DGKB: variants seen among roughly 807,000 people sequenced by gnomAD.
DGKB encodes diacylglycerol kinase beta.
DGKB carries 67 observed loss-of-function variants against 114.3 expected under a neutral mutation model. That is an observed-to-expected ratio of 0.59 (90% CI 0.48 to 0.72). The LOEUF (loss-of-function observed/expected upper bound fraction) is 0.72, where lower values mean the gene tolerates loss of function less well. Among genes scored for constraint, DGKB ranks in the 30% least tolerant of loss-of-function variants. DGKB has a pLI of 0.00. For synonymous variants in DGKB, 398 were observed against 323.1 expected, an observed-to-expected ratio of 1.23 and a Z score of -2.49; for missense variants, 907 against 975.2, an observed-to-expected ratio of 0.93 and a Z score of 0.93.
chr7:14,761,245 A>G (rs1387670905), intron 2 of DGKB, among the ~76,000 whole-genome samples: 1 of 152,152 alleles, frequency 6.6e-6, no homozygotes, highest in Non-Finnish European at 1.5e-5. Flanking sequence ...TTGACCGGTC[A>G]ATCTTCTAAA....
chr7:14,409,451 TA>T (rs1824502584), intron 21 of DGKB, among the ~76,000 whole-genome samples: 1 of 10,676 alleles, frequency 9.4e-5, no homozygotes. Flanking sequence ...CTCACGCCTG[TA>T]ATCCCAGCAC....
chr7:14,280,329 G>T, intron 23 of DGKB, among the ~76,000 whole-genome samples: 1 of 151,932 alleles, frequency 6.6e-6, no homozygotes, highest in Non-Finnish European at 1.5e-5. Context: ...AAAAAGAAAC[G>T]AGCAAAGCCT....
At chr7:14,580,197 G>A (rs553730068) in intron 19 of DGKB, among the ~76,000 whole-genome samples, 10 of 152,166 alleles carry the variant, frequency 6.6e-5, no homozygotes, top group South Asian at 4.1e-4. Context: ...TGTTCCCTCC[G>A]CCTATGAAGT....
At chr7:14,483,107 C>T (rs1340900212) in intron 20 of DGKB, among the ~76,000 whole-genome samples, 1 of 150,712 alleles carries the variant, frequency 6.6e-6, no homozygotes, top group Non-Finnish European at 1.5e-5. Context: ...ATTACATCAT[C>T]TGTAGTGGGC....
At position 14,338,585 on chromosome 7, in the gene DGKB, T is replaced by A. The variant is rs370559554; in HGVS notation, c.2052A>T (p.Arg684=). The change falls in exon 23 of 26, where the codon CGA becomes CGT. Residue 684 remains arginine (R), a synonymous_variant. Coordinates refer to ENST00000402815, the MANE Select transcript of DGKB (RefSeq NM_001350709.2). ...TTTTGTCAGACCCTTTTTTCTCTAT[T>A]CGTCGATGGCTTCGTCTTTTCTTAG... ...GESKKRRSHR[R]IEKKGSDKRT... 6 of 1,610,424 alleles carry A rather than the reference T, an allele frequency of 3.7e-6. No homozygotes were observed. The African/African-American group carries it at 5.3e-5, about 14-fold the overall frequency.
At chr7:14,691,021 T>C (rs1822763491) in intron 9 of DGKB, among the ~76,000 whole-genome samples, 1 of 152,210 alleles carries the variant, frequency 6.6e-6, no homozygotes, top group Non-Finnish European at 1.5e-5. Context: ...AGAAAAGATA[T>C]GGCTCTTGCT....
intron 20 of DGKB, among the ~76,000 whole-genome samples, chr7:14,524,757 A>G (rs1790368036): frequency 3.3e-5 from 1 of 30,700 alleles, no homozygotes; most frequent in Non-Finnish European, 5.7e-5. Context: ...ACTCTGTCTC[A>G]AAAAAAAAAA....
At position 14,651,487 on chromosome 7, in the gene DGKB, T is replaced by C. The variant is rs1444064192; in HGVS notation, c.1135-21219A>G. Among the ~76,000 whole-genome samples, 47 of 146,150 alleles carry C rather than the reference T, an allele frequency of 3.2e-4. 1 individual carries two copies. The highest frequency in any genetic ancestry group is 1.5e-4 in the Non-Finnish European group (10 of 66,128). On this transcript the variant is annotated intron_variant, in intron 13 of 25. Coordinates refer to ENST00000402815, the MANE Select transcript of DGKB (RefSeq NM_001350709.2). ...AAACTCTCAATAAATTAGGTATTGA[T>C]GGGACGTATCTCAAAATAATAAGAG...
intron 1 of DGKB, among the ~76,000 whole-genome samples, chr7:14,909,738 T>C (rs1480514754): frequency 1.3e-5 from 2 of 152,198 alleles, no homozygotes; most frequent in Admixed American, 6.5e-5. Flanking sequence ...CATATTTGTC[T>C]TGGGTGATTT....
intron 21 of DGKB, among the ~76,000 whole-genome samples, chr7:14,366,637 A>T (rs186855419): frequency 1.1e-4 from 17 of 152,224 alleles, no homozygotes; most frequent in Admixed American, 9.8e-4. Context: ...TCGTAATGCA[A>T]ATTATTGCAC....
intron 1 of DGKB, among the ~76,000 whole-genome samples, chr7:14,931,112 A>ATTT (rs543630712): frequency 6.1e-4 from 84 of 136,678 alleles, no homozygotes; most frequent in African/African-American, 2.2e-3. Context: ...GTTTGCTAGT[A>ATTT]TTTTTTTTTT....
intron 6 of DGKB, among the ~76,000 whole-genome samples, chr7:14,707,194 T>C (rs200029888): frequency 0.38 from 36,195 of 94,244 alleles, 7,395 homozygotes; most frequent in East Asian, 0.72. Flanking sequence ...AACACCTCTA[T>C]GCAAATAAAC....
chr7:14,405,018 A>G (rs1823720509), intron 21 of DGKB, among the ~76,000 whole-genome samples: 2 of 151,838 alleles, frequency 1.3e-5, no homozygotes, highest in Admixed American at 1.3e-4. Context: ...TTCCAGATTT[A>G]TATCTAAAAT....
intron 2 of DGKB, among the ~76,000 whole-genome samples, chr7:14,767,816 C>T (rs1253280134): frequency 6.6e-6 from 1 of 151,826 alleles, no homozygotes; most frequent in African/African-American, 2.4e-5. Context: ...AATATTTAAA[C>T]CCACGCTAGT....
chr7:14,901,048 A>G (rs1422703428), intron 1 of DGKB, among the ~76,000 whole-genome samples: 1 of 152,178 alleles, frequency 6.6e-6, no homozygotes, highest in Non-Finnish European at 1.5e-5. Flanking sequence ...TCCCTGCATT[A>G]TATTTTACTC....
chr7:14,493,393 T>C (rs1164142817), intron 20 of DGKB, among the ~76,000 whole-genome samples: 1 of 152,080 alleles, frequency 6.6e-6, no homozygotes, highest in Non-Finnish European at 1.5e-5. Context: ...CAGTAAATAA[T>C]AACAATAACT....
intron 21 of DGKB, among the ~76,000 whole-genome samples, chr7:14,448,050 G>T (rs1830969077): frequency 6.6e-6 from 1 of 151,988 alleles, no homozygotes; most frequent in South Asian, 2.1e-4. Flanking sequence ...CTGCTCATTA[G>T]TTTTCTCATT....
In DGKB at chr7:14,148,075, A is replaced by C. The variant is rs1781671163; in HGVS notation, c.*1056T>G. On this transcript the variant is annotated 3_prime_UTR_variant, in exon 26 of 26. Transcript: ENST00000402815. ...CAAGTGTACTTAACTGATCCATGAA[A>C]AATTACACCTATATTTATAAATGAC... 6.6e-6 allele frequency: 1 copy of C among 152,154 alleles called. No homozygotes were observed. Among genetic ancestry groups the C allele is most frequent in the African/African-American group, 2.4e-5 (1 of 41,448 alleles). The allele number at this position is 152,154 out of a possible 1,614,324, so 9.4% of individuals were successfully genotyped here.
chr7:14,807,632 T>C (rs1284831596), intron 2 of DGKB, among the ~76,000 whole-genome samples: 1 of 151,992 alleles, frequency 6.6e-6, no homozygotes, highest in African/African-American at 2.4e-5. Flanking sequence ...TAGAAAGAGA[T>C]AGATTTGAAC....
Sources: gnomAD v4.1 joint callset for allele counts (sites outside exome capture counted in the v4.1 genomes callset) on GRCh38, gnomAD v4.1.1 for gene constraint, MANE v1.5 for transcripts, NCBI Gene and HGNC (gene_info 2026-07-23, HGNC 2026-07-21) for gene names.